Variants in SETD2 observed in about 807,000 individuals in gnomAD.
SETD2 encodes the protein SET domain containing 2, histone lysine methyltransferase.
SETD2 carries 31 observed loss-of-function variants against 242.1 expected under a neutral mutation model. The observed-to-expected ratio is 0.13, with a 90% CI of 0.10 to 0.17. SETD2 has a LOEUF of 0.17. Ranked by LOEUF, SETD2 falls within the 10% of genes least tolerant of loss-of-function variation. The pLI is 1.00. For missense variants in SETD2, 2,481 were observed against 3,046.3 expected (o/e 0.81, Z 4.37); for synonymous variants, 1,006 against 1,066.5 (o/e 0.94, Z 1.11).
In SETD2 at chr3:47,133,045, T is replaced by C. The variant is rs1348045655; in HGVS notation, c.72-6382A>G. On this transcript the variant is annotated intron_variant, in intron 1 of 20. Coordinates refer to ENST00000409792, the MANE Select transcript of SETD2 (RefSeq NM_014159.7). Reference sequence around the variant, plus strand: ...TTTTTAGGAAATACATATTTGAGGATATAGGAGTAAAGAGGCATCATGTCT... The same window carrying C: ...TTTTTAGGAAATACATATTTGAGGACATAGGAGTAAAGAGGCATCATGTCT... 2.0e-5 allele frequency among the ~76,000 whole-genome samples: 3 copies of C among 152,122 alleles called. No homozygotes were observed. The East Asian group carries it at 5.8e-4, about 29-fold the overall frequency.
chr3:47,114,821 G>A (rs1178177585), intron 4 of SETD2, among the ~76,000 whole-genome samples: 1 of 146,938 alleles, frequency 6.8e-6, no homozygotes, highest in Non-Finnish European at 1.5e-5. Flanking sequence ...AGAGGTTGTA[G>A]TGAGTCAAGA....
intron 13 of SETD2, among the ~76,000 whole-genome samples, chr3:47,062,872 G>A (rs1448515760): frequency 6.6e-6 from 1 of 152,138 alleles, no homozygotes; most frequent in Non-Finnish European, 1.5e-5. Flanking sequence ...AAGCCCAGGA[G>A]TTCAAGGCAG....
intron 9 of SETD2, among the ~76,000 whole-genome samples, chr3:47,096,493 GC>G (rs1257438749): frequency 6.7e-6 from 1 of 149,166 alleles, no homozygotes; most frequent in Admixed American, 6.7e-5. Context: ...GATCACTTGA[GC>G]CCAGGAGTTT....
At chr3:47,058,357 C>T (rs1575702837) in intron 14 of SETD2, among the ~76,000 whole-genome samples, 2 of 137,016 alleles carry the variant, frequency 1.5e-5, no homozygotes, top group East Asian at 4.8e-4. Flanking sequence ...AGGAGAATCG[C>T]TTGAACCCAG....
intron 8 of SETD2, among the ~76,000 whole-genome samples, chr3:47,100,010 G>A (rs774733355): frequency 7.5e-6 from 1 of 133,154 alleles, no homozygotes; most frequent in Non-Finnish European, 1.6e-5. Flanking sequence ...GTCTTTCTCT[G>A]TGCCCAGGCT....
chr3:47,146,730 A>G (rs2043864691), intron 1 of SETD2, among the ~76,000 whole-genome samples: 1 of 151,994 alleles, frequency 6.6e-6, no homozygotes, highest in Non-Finnish European at 1.5e-5. Flanking sequence ...TGAAGCCAGG[A>G]GTTCAAAACC....
At chr3:47,062,509 C>T (rs577060803) in intron 13 of SETD2, among the ~76,000 whole-genome samples, 163 bp from the exon 14 acceptor site, 3 of 152,004 alleles carry the variant, frequency 2.0e-5, no homozygotes, top group Non-Finnish European at 4.4e-5. Context: ...GAAAGAGATA[C>T]AAGGTCTTAT....
intron 17 of SETD2, among the ~76,000 whole-genome samples, chr3:47,039,454 C>T (rs915821479): frequency 1.3e-5 from 2 of 151,968 alleles, no homozygotes; most frequent in Admixed American, 1.3e-4. Flanking sequence ...ACCTCATGAT[C>T]CGCCCACCTC....
intron 18 of SETD2, among the ~76,000 whole-genome samples, chr3:47,023,201 C>A (rs2038311172): frequency 6.6e-6 from 1 of 151,960 alleles, no homozygotes. Context: ...GAGTTCGAGA[C>A]CAGCCTGGCC....
At chr3:47,101,009 C>CAAAA (rs1164475680) in intron 8 of SETD2, among the ~76,000 whole-genome samples, 13 of 23,108 alleles carry the variant, frequency 5.6e-4, no homozygotes, top group East Asian at 2.7e-3. Flanking sequence ...GAGTCCATCT[C>CAAAA]AAAAAAAAAA....
chr3:47,120,988 A>C lies in SETD2; in HGVS notation c.3648T>G (p.Ser1216=). The change falls in exon 3 of 21, where the codon TCT becomes TCG. Residue 1216 remains serine (S), a synonymous_variant. Transcript: ENST00000409792. The part of the protein sequence containing the change: ...SSDFEDVPNK[S]WQQTTFQNRP... Reference sequence around the variant, plus strand: ...TGTTTTGGAAAGTGGTCTGTTGCCAAGACTTATTTGGGACATCTTCAAAAT... The same window carrying C: ...TGTTTTGGAAAGTGGTCTGTTGCCACGACTTATTTGGGACATCTTCAAAAT... 6.2e-7 allele frequency: 1 copy of C among 1,614,202 alleles called. No individual in the cohort carries two copies. Among genetic ancestry groups the C allele is most frequent in the South Asian group, 1.1e-5 (1 of 91,084 alleles).
intron 15 of SETD2, among the ~76,000 whole-genome samples, chr3:47,050,374 C>A (rs1051055745): frequency 7.2e-5 from 11 of 152,148 alleles, no homozygotes. Flanking sequence ...AAGAATTTTT[C>A]ACCTCCATAA....
Position 47,104,562 on chromosome 3 carries a change from A to G in SETD2, c.4840-1139T>C, listed in dbSNP as rs536411248. On this transcript the variant is annotated intron_variant, in intron 6 of 20. Coordinates refer to ENST00000409792, the MANE Select transcript of SETD2 (RefSeq NM_014159.7). ...CTCAAAAAAAAAAAAGTTATTTTTC[A>G]TAATACCATGTTATTTTTATCAATA... is the stretch of plus-strand genomic sequence containing the variant. Among the ~76,000 whole-genome samples, 13 of 152,236 alleles carry G rather than the reference A, an allele frequency of 8.5e-5. No homozygotes were observed. In the South Asian group the frequency reaches 1.2e-3, roughly 15 times the overall value.
intron 1 of SETD2, among the ~76,000 whole-genome samples, chr3:47,155,306 C>A (rs2044102012): frequency 6.6e-6 from 1 of 152,146 alleles, no homozygotes; most frequent in Non-Finnish European, 1.5e-5. Flanking sequence ...TTAGGTAACA[C>A]TATCAGATAT....
At chr3:47,074,962 C>T (rs549711352) in intron 12 of SETD2, among the ~76,000 whole-genome samples, 1 of 152,020 alleles carries the variant, frequency 6.6e-6, no homozygotes, top group South Asian at 2.1e-4. Context: ...GGTGAAACCC[C>T]GTCTCTACTA....
chr3:47,088,961 T>G (rs1006866877), intron 9 of SETD2, among the ~76,000 whole-genome samples: 1 of 152,126 alleles, frequency 6.6e-6, no homozygotes, highest in Non-Finnish European at 1.5e-5. Context: ...TAAACGGCCA[T>G]GTTCACTCAA....
chr3:47,153,730 G>A (rs2044054228), intron 1 of SETD2, among the ~76,000 whole-genome samples: 1 of 151,604 alleles, frequency 6.6e-6, no homozygotes, highest in Non-Finnish European at 1.5e-5. Flanking sequence ...TCCAGCCTAG[G>A]TGACAAGGGA....
intron 3 of SETD2, among the ~76,000 whole-genome samples, chr3:47,117,147 G>T (rs1244127160): frequency 1.3e-5 from 2 of 151,526 alleles, no homozygotes; most frequent in Admixed American, 6.6e-5. Context: ...TCGCAGGCAT[G>T]ATCCACTACG....
At chr3:47,103,809 C>G (rs1340446074) in intron 6 of SETD2, among the ~76,000 whole-genome samples, 1 of 152,176 alleles carries the variant, frequency 6.6e-6, no homozygotes, top group South Asian at 2.1e-4. Flanking sequence ...ACACTGCTTC[C>G]CACTTCAAAG....
Sources: gnomAD v4.1 joint callset for allele counts (sites outside exome capture counted in the v4.1 genomes callset) on GRCh38, gnomAD v4.1.1 for gene constraint, MANE v1.5 for transcripts, NCBI Gene and HGNC (gene_info 2026-07-23, HGNC 2026-07-21) for gene names.